SYBU: variants seen among roughly 807,000 people sequenced by gnomAD.
The protein encoded by SYBU is GOLSYN A protein.
Under a neutral mutation model 35.9 loss-of-function variants are expected in SYBU, and 21 were observed. That is an observed-to-expected ratio of 0.58 (90% CI 0.41 to 0.84). The LOEUF is 0.84. SYBU is among the 40% of genes least tolerant of loss of function. The pLI, the probability that SYBU is intolerant of heterozygous loss-of-function variation, is 0.00. For missense variants in SYBU, 768 were observed against 848.2 expected (o/e 0.91, Z 1.17); for synonymous variants, 319 against 324.3 (o/e 0.98, Z 0.18).
At chr8:109,625,607 G>A (rs767301787) in intron 2 of SYBU, among the ~76,000 whole-genome samples, 5 of 151,934 alleles carry the variant, frequency 3.3e-5, no homozygotes, top group Non-Finnish European at 7.4e-5. Flanking sequence ...TTTTTTTAAG[G>A]GACAGAATCT....
chr8:109,689,958 A>G (rs1817609197), intron 1 of SYBU, among the ~76,000 whole-genome samples: 2 of 151,626 alleles, frequency 1.3e-5, no homozygotes, highest in Non-Finnish European at 2.9e-5. Context: ...AAAGTTTTGG[A>G]CCCATTTTTT....
Position 109,691,429 on chromosome 8 carries a change from G to T in SYBU, c.-154C>A, listed in dbSNP as rs986233571. On this transcript the variant is annotated 5_prime_UTR_variant, in exon 1 of 8. Transcript: ENST00000422135. This position sits in a 1 kb window ranked among gnomAD's most constrained non-coding sequence, Gnocchi z 4.7. ...CCCGGCTGGGCCGGGTGCCGGTGCGGACGGGACCCCGCGTCGCTGCTGGTT... is the reference window on the plus strand; with the variant it reads ...CCCGGCTGGGCCGGGTGCCGGTGCGTACGGGACCCCGCGTCGCTGCTGGTT... 1 of 674,480 alleles carries T rather than the reference G, an allele frequency of 1.5e-6. No homozygotes were observed. The highest frequency in any genetic ancestry group is 2.2e-5 in the Admixed American group (1 of 46,148). 41.8% of individuals were successfully genotyped at this position (674,480 alleles called of 1,614,324 possible).
chr8:109,595,030 A>G (rs901926414), intron 3 of SYBU, among the ~76,000 whole-genome samples: 2 of 152,170 alleles, frequency 1.3e-5, no homozygotes, highest in African/African-American at 4.8e-5. Flanking sequence ...ATGTAAGATA[A>G]TATATGTAAA....
At chr8:109,684,711 C>G (rs545157231), upstream of SYBU, among the ~76,000 whole-genome samples, 32 of 152,260 alleles carry the variant, frequency 2.1e-4, no homozygotes, top group African/African-American at 7.2e-4. Flanking sequence ...TCACTGGAGT[C>G]CCCACAAAAC....
intron 3 of SYBU, among the ~76,000 whole-genome samples, chr8:109,614,595 C>T (rs1811531841): frequency 1.3e-5 from 2 of 152,240 alleles, no homozygotes; most frequent in African/African-American, 4.8e-5. Flanking sequence ...TCCTCCCACA[C>T]AAAACATAAT....
In SYBU at chr8:109,595,820, C is replaced by T. The variant is rs951919971; in HGVS notation, c.428-9658G>A. Among the ~76,000 whole-genome samples the T allele has an allele frequency of 3.9e-5, 6 of 152,320 alleles. No individual in the cohort carries two copies. The East Asian group carries it at 7.7e-4, about 20-fold the overall frequency. On this transcript the variant is annotated intron_variant, in intron 3 of 6. Coordinates refer to ENST00000276646, the MANE Select transcript of SYBU (RefSeq NM_001099754.2). Reference sequence around the variant, plus strand: ...ACTTGGAGGCAGGCGAATTTAAAACCTTCCTTAGACACAGGTCCCAGTGGT... The same window carrying T: ...ACTTGGAGGCAGGCGAATTTAAAACTTTCCTTAGACACAGGTCCCAGTGGT...
upstream of SYBU, among the ~76,000 whole-genome samples, chr8:109,648,420 C>T (rs1296858687): frequency 6.6e-6 from 1 of 151,396 alleles, no homozygotes; most frequent in Non-Finnish European, 1.5e-5. Context: ...TAAATGATTC[C>T]TACCTTTCGT....
rs891820192 is a variant in SYBU at position 109,574,966 on chromosome 8, C to T, written c.1932G>A (p.Arg644=). ...AATGCAGGGCAACCACGCAACAGCC[C>T]CTGAGCAAGGCCCCGATGTTATACA... ...DPVYNIGALL[R]GCCVVALHSL... The change falls in exon 7 of 7, where the codon AGG becomes AGA. Residue 644 remains arginine, a synonymous_variant. Coordinates refer to ENST00000276646, the MANE Select transcript of SYBU (RefSeq NM_001099754.2). The T allele has an allele frequency of 2.0e-6, 3 of 1,525,262 alleles. No individual in the cohort carries two copies. In the East Asian group the frequency reaches 6.8e-5, roughly 35 times the overall value. 94.5% of individuals were successfully genotyped at this position (1,525,262 alleles called of 1,614,324 possible).
At chr8:109,657,328 A>G (rs1816391732) in intron 1 of SYBU, among the ~76,000 whole-genome samples, 1 of 152,202 alleles carries the variant, frequency 6.6e-6, no homozygotes, top group Admixed American at 6.5e-5. Context: ...AGGAGGTTTG[A>G]GCAGAAAATT....
chr8:109,645,910 G>A (rs1815645456), upstream of SYBU: 1 of 153,930 alleles, frequency 6.5e-6, no homozygotes, highest in African/African-American at 2.4e-5. Flanking sequence ...AGGGTTAGGT[G>A]AGGAAAACAA....
At chr8:109,670,935 C>A (rs1022468673) in intron 1 of SYBU, among the ~76,000 whole-genome samples, 5 of 152,076 alleles carry the variant, frequency 3.3e-5, no homozygotes, top group African/African-American at 1.2e-4. Context: ...TTTATGTGGA[C>A]ATCAAAGGGA....
intron 3 of SYBU, chr8:109,608,109 T>C (rs1174209698): frequency 1.4e-5 from 8 of 577,142 alleles, no homozygotes; most frequent in African/African-American, 3.8e-5. Context: ...GCTGGCACCA[T>C]AGCAACAGGA....
At chr8:109,669,200 G>A (rs1203810694) in intron 1 of SYBU, among the ~76,000 whole-genome samples, 1 of 151,970 alleles carries the variant, frequency 6.6e-6, no homozygotes, top group African/African-American at 2.4e-5. Context: ...AAATTAGCTG[G>A]GCGTGGTGGC....
chr8:109,667,285 T>C (rs2130753767), intron 1 of SYBU, among the ~76,000 whole-genome samples: 1 of 151,948 alleles, frequency 6.6e-6, no homozygotes, highest in Middle Eastern at 3.4e-3. Context: ...CCTGGCTAAT[T>C]TTTTGTATTT....
At position 109,618,945 on chromosome 8, in the gene SYBU, A is replaced by G. The variant is rs1407508684; in HGVS notation, c.324T>C (p.Asp108=). The G allele has an allele frequency of 5.6e-6, 9 of 1,614,064 alleles. No homozygotes were observed. Residue 108 remains aspartate, a synonymous_variant, in exon 3 of 7, where the codon GAT becomes GAC. Coordinates refer to ENST00000276646, the MANE Select transcript of SYBU (RefSeq NM_001099754.2). Reference sequence around the variant, plus strand: ...TGCATTTCTTTCTGGTGAAGCCTTCATCACTTCCAGGGCAAAAGCCAATGG... The same window carrying G: ...TGCATTTCTTTCTGGTGAAGCCTTCGTCACTTCCAGGGCAAAAGCCAATGG... The part of the protein sequence containing the change: ...NSPIGFCPGS[D]EGFTRKKCTI...
At chr8:109,592,046 G>T (rs1213337906) in intron 3 of SYBU, among the ~76,000 whole-genome samples, 1 of 152,016 alleles carries the variant, frequency 6.6e-6, no homozygotes, top group Admixed American at 6.6e-5. Context: ...GGAAATTCAG[G>T]TGAAACATGC....
At position 109,617,802 on chromosome 8, in the gene SYBU, A is replaced by C. The variant is rs974840249; in HGVS notation, c.427+1040T>G. Among the ~76,000 whole-genome samples, 73 of 152,258 alleles carry C rather than the reference A, an allele frequency of 4.8e-4. 2 individuals are homozygous for C. The highest frequency in any genetic ancestry group is 1.5e-5 in the Non-Finnish European group (1 of 68,050). On this transcript the variant is annotated intron_variant, in intron 3 of 6. Transcript: ENST00000276646. ...ATAGAGGATTTCTTTTTCACAGTTTAAGTTTTCCTTGGTGACAAAATGACC... is the reference window on the plus strand; with the variant it reads ...ATAGAGGATTTCTTTTTCACAGTTTCAGTTTTCCTTGGTGACAAAATGACC...
rs189074022 is a variant in SYBU, at chr8:109,612,669, A to G, written c.427+6173T>C. Among the ~76,000 whole-genome samples, 48 of 152,352 alleles carry G rather than the reference A, an allele frequency of 3.2e-4. 1 individual carries two copies. Among genetic ancestry groups the G allele is most frequent in the Admixed American group, 3.0e-3 (46 of 15,304 alleles). On this transcript the variant is annotated intron_variant, in intron 3 of 6. Transcript: ENST00000276646. Reference sequence around the variant, plus strand: ...GCGCTACAAGTGATAAAAGCTGTCAATGGCCTAAAACACTTAAAAGGCCAC... The same window carrying G: ...GCGCTACAAGTGATAAAAGCTGTCAGTGGCCTAAAACACTTAAAAGGCCAC...
chr8:109,653,369 G>C (rs1426780476), intron 1 of SYBU, among the ~76,000 whole-genome samples: 2 of 152,004 alleles, frequency 1.3e-5, no homozygotes, highest in African/African-American at 4.8e-5. Flanking sequence ...CCATCAAATG[G>C]ATCTATATCT....
Sources: allele counts gnomAD v4.1 joint callset (sites outside exome capture counted in the v4.1 genomes callset), GRCh38; gene constraint gnomAD v4.1.1; non-coding constraint Gnocchi (gnomAD v3.1); transcripts MANE v1.5; gene names NCBI Gene and HGNC (gene_info 2026-07-23, HGNC 2026-07-21).